Variants in SORCS3 observed in about 807,000 individuals in gnomAD.
SORCS3 encodes the protein sortilin related VPS10 domain containing receptor 3, also known as VPS10 domain-containing receptor SorCS3.
SORCS3 carries 57 observed loss-of-function variants against 146.3 expected under a neutral mutation model. The observed-to-expected ratio is 0.39, with a 90% CI of 0.31 to 0.49. The LOEUF is 0.49. SORCS3 is among the 20% of genes least tolerant of loss of function. SORCS3 has a pLI of 0.92. For missense variants in SORCS3, 1,341 were observed against 1,575.5 expected (o/e 0.85, Z 2.52); for synonymous variants, 653 against 618.5 (o/e 1.06, Z -0.83).
At chr10:104,767,949 C>T (rs10509775) in intron 1 of SORCS3, among the ~76,000 whole-genome samples, 8,939 of 151,956 alleles carry the variant, frequency 0.059, 809 homozygotes, top group African/African-American at 0.2. Flanking sequence ...AGGCATTGCT[C>T]ATCGTACTCC....
chr10:104,761,704 T>C (rs1310157618), intron 1 of SORCS3, among the ~76,000 whole-genome samples: 2 of 151,806 alleles, frequency 1.3e-5, no homozygotes, highest in African/African-American at 2.4e-5. Context: ...TGGGAGAGGG[T>C]GAATGTGATC....
intron 5 of SORCS3, among the ~76,000 whole-genome samples, chr10:105,077,712 G>C (rs1239057972): frequency 1.3e-5 from 2 of 152,138 alleles, no homozygotes; most frequent in Non-Finnish European, 2.9e-5. Context: ...AGATATCCAA[G>C]ACTAATTGCT....
rs1554844296 is a variant in SORCS3, at chr10:104,696,086, CAT to C, written c.627+54138_627+54139del. 4.0e-4 allele frequency among the ~76,000 whole-genome samples: 7 copies of C among 17,462 alleles called. 1 individual carries two copies. In the South Asian group the frequency reaches 6.4e-3, roughly 16 times the overall value. 11.5% of individuals were successfully genotyped at this position (17,462 alleles called of 152,430 possible). A position where few individuals can be genotyped will look rare whatever the true frequency, so the allele number is the denominator to read the frequency against. On this transcript the variant is annotated intron_variant, in intron 1 of 26. Coordinates refer to ENST00000369701, the MANE Select transcript of SORCS3 (RefSeq NM_014978.3). ...TTATATATAATATATATCATATACACATATATAATATATCATATACACATATT... is the reference window on the plus strand; with the variant it reads ...TTATATATAATATATATCATATACACATATAATATATCATATACACATATT...
intron 1 of SORCS3, among the ~76,000 whole-genome samples, chr10:104,675,027 T>C (rs551817315): frequency 6.6e-6 from 1 of 152,250 alleles, no homozygotes; most frequent in Non-Finnish European, 1.5e-5. Flanking sequence ...TAGATTTTAG[T>C]AGATACCACC....
At chr10:105,181,120 A>G (rs1424967195) in intron 14 of SORCS3, among the ~76,000 whole-genome samples, 1 of 152,132 alleles carries the variant, frequency 6.6e-6, no homozygotes, top group Non-Finnish European at 1.5e-5. Context: ...CCATATATTT[A>G]CCAGGCTTGT....
chr10:104,790,475 T>A (rs890297825), intron 1 of SORCS3, among the ~76,000 whole-genome samples: 1 of 152,204 alleles, frequency 6.6e-6, no homozygotes, highest in Non-Finnish European at 1.5e-5. Context: ...GAAGGTCCCA[T>A]CTCTGCAGTT....
chr10:104,821,479 C>G (rs1350052202), intron 1 of SORCS3, among the ~76,000 whole-genome samples: 1 of 152,174 alleles, frequency 6.6e-6, no homozygotes, highest in East Asian at 1.9e-4. Flanking sequence ...TTTGGGTCTT[C>G]TAGATGCCTC....
chr10:104,646,107 G>A (rs1223903640), intron 1 of SORCS3, among the ~76,000 whole-genome samples: 1 of 152,228 alleles, frequency 6.6e-6, no homozygotes, highest in Non-Finnish European at 1.5e-5. Flanking sequence ...GGTACTAATT[G>A]CTCCTGGTCA....
At chr10:105,160,851 C>G (rs1045142320) in intron 11 of SORCS3, among the ~76,000 whole-genome samples, 1 of 152,106 alleles carries the variant, frequency 6.6e-6, no homozygotes, top group African/African-American at 2.4e-5. Flanking sequence ...CAGGCTGAGC[C>G]CTGACACTTA....
At chr10:105,179,987 A>T (rs1240010598) in intron 14 of SORCS3, among the ~76,000 whole-genome samples, 11 of 152,304 alleles carry the variant, frequency 7.2e-5, no homozygotes, top group Admixed American at 5.2e-4. Context: ...GGTCAGGGAG[A>T]AAAAACAGCC....
rs535520271 is a variant in SORCS3 at position 104,915,015 on chromosome 10, T to C, written c.696-818T>C. On this transcript the variant is annotated intron_variant, in intron 2 of 26. Transcript: ENST00000369701. The stretch of plus-strand genomic sequence containing the variant: ...AGGGAGGTCTCTGTGGGCCAGGGTT[T>C]GGGGACAGGTGAACAGTATGGCAGG... Among the ~76,000 whole-genome samples, 9 of 145,672 alleles carry C rather than the reference T, an allele frequency of 6.2e-5. No homozygotes were observed. In the East Asian group the frequency reaches 1.8e-3, roughly 30 times the overall value.
chr10:104,973,685 C>T (rs141553312), intron 3 of SORCS3, among the ~76,000 whole-genome samples: 8,804 of 150,914 alleles, frequency 0.058, 256 homozygotes, highest in African/African-American at 0.073. Flanking sequence ...TTTTTCCTGT[C>T]TCTGTTTCCT....
intron 8 of SORCS3, 31 bp from the exon 9 acceptor site, chr10:105,147,586 G>A (rs764026671): frequency 6.3e-7 from 1 of 1,576,828 alleles, no homozygotes; most frequent in Admixed American, 1.7e-5. Context: ...ATGGAGATCT[G>A]CTGCCTTACA....
At chr10:104,980,940 G>T (rs7082914) in intron 4 of SORCS3, among the ~76,000 whole-genome samples, 7,955 of 152,258 alleles carry the variant, frequency 0.052, 212 homozygotes, top group Non-Finnish European at 0.062. Context: ...ATATGTGGCT[G>T]TTGGGTTGTG....
intron 7 of SORCS3, among the ~76,000 whole-genome samples, chr10:105,135,381 G>C (rs551228375): frequency 7.9e-5 from 12 of 152,290 alleles, no homozygotes; most frequent in Non-Finnish European, 1.5e-4. Context: ...CCTGTGATGA[G>C]CATGGCAGCC....
chr10:105,263,045 A>G (rs905209306), intron 26 of SORCS3, among the ~76,000 whole-genome samples: 7 of 152,252 alleles, frequency 4.6e-5, no homozygotes, highest in African/African-American at 1.7e-4. Context: ...TTCAATACAC[A>G]TTGGCTGTTA....
intron 25 of SORCS3, among the ~76,000 whole-genome samples, chr10:105,257,757 A>G (rs1371000766): frequency 6.6e-6 from 1 of 152,200 alleles, no homozygotes; most frequent in Non-Finnish European, 1.5e-5. Context: ...TTTAAATGTC[A>G]TAGTGTGTGT....
At chr10:104,797,542 GATACTT>G (rs1337995056) in intron 1 of SORCS3, among the ~76,000 whole-genome samples, 1 of 151,874 alleles carries the variant, frequency 6.6e-6, no homozygotes, top group Non-Finnish European at 1.5e-5. Flanking sequence ...AAATGTGCTT[GATACTT>G]ACAATATTGT....
chr10:105,084,002 C>CT (rs2055642379), intron 5 of SORCS3, among the ~76,000 whole-genome samples: 1 of 152,296 alleles, frequency 6.6e-6, no homozygotes, highest in East Asian at 1.9e-4. Flanking sequence ...TGGTTTGAGT[C>CT]TGAGTTTTGT....
Sources: gnomAD v4.1 joint callset for allele counts (sites outside exome capture counted in the v4.1 genomes callset) on GRCh38, gnomAD v4.1.1 for gene constraint, MANE v1.5 for transcripts, NCBI Gene and HGNC (gene_info 2026-07-23, HGNC 2026-07-21) for gene names.